Variants in SATL1 observed in about 807,000 individuals in gnomAD.
The protein encoded by SATL1 is spermidine/spermine N1-acetyl transferase like 1.
In SATL1, 47 loss-of-function variants were observed where a neutral mutation model predicts 51.8. The observed-to-expected ratio is 0.91, with a 90% CI of 0.72 to 1.16. The LOEUF is 1.16. SATL1 is among the 50% of genes most tolerant of loss of function. SATL1 has a pLI of 0.00. For missense variants in SATL1, 520 were observed against 526.4 expected (o/e 0.99, Z 0.12); for synonymous variants, 176 against 182.4 (o/e 0.97, Z 0.28).
rs758103206 is a variant in SATL1 at position 85,168,051 on chromosome X, A to G, written c.-313+56154T>C. Reference sequence around the variant, plus strand: ...AAAAAAAACACATGATTGTCTCAATAGATGCAGAAAGGCTTTTGATAAAAT... The same window carrying G: ...AAAAAAAACACATGATTGTCTCAATGGATGCAGAAAGGCTTTTGATAAAAT... On this transcript the variant is annotated intron_variant, in intron 2 of 7. Coordinates refer to ENST00000644105, the MANE Select transcript of SATL1 (RefSeq NM_001367857.2). Among the ~76,000 whole-genome samples the G allele has an allele frequency of 8.1e-4, 90 of 111,297 alleles. 1 individual carries two copies. The highest frequency in any genetic ancestry group is 2.8e-3 in the African/African-American group (87 of 30,691).
chrX:85,108,251 G>A lies in SATL1; in HGVS notation c.718C>T (p.Gln240Ter). The change falls in exon 3 of 8, where the codon CAA becomes TAA. Residue 240 changes from glutamine to a stop codon, truncating the protein, a stop_gained. Transcript: ENST00000644105. LOFTEE classifies it high-confidence loss of function. ...GCGTCTGGTTGGCTCATGTCTGTTT[G>A]GTTCTTACATGATTGGCTAGTGTCT... is the stretch of plus-strand genomic sequence containing the variant. ...QPDTSQSCKN[Q>*]TDMSQPDANQ... is the part of the protein sequence containing the mutation. The A allele has an allele frequency of 8.3e-7, 1 of 1,211,547 alleles. No individual in the cohort carries two copies. Among genetic ancestry groups the A allele is most frequent in the South Asian group, 1.8e-5 (1 of 56,983 alleles).
intron 4 of SATL1, among the ~76,000 whole-genome samples, chrX:85,096,126 T>A (rs1886277642): frequency 9.0e-6 from 1 of 111,405 alleles, no homozygotes; most frequent in African/African-American, 3.3e-5. Context: ...TTAAAACATC[T>A]GTCTTAAAGA....
At chrX:85,183,966 C>T (rs1288738492) in intron 2 of SATL1, among the ~76,000 whole-genome samples, 1 of 111,151 alleles carries the variant, frequency 9.0e-6, no homozygotes, top group African/African-American at 3.3e-5. Context: ...CTCCAGTAAC[C>T]GTCATTCTGC....
intron 2 of SATL1, among the ~76,000 whole-genome samples, chrX:85,127,165 C>A: frequency 9.1e-6 from 1 of 110,107 alleles, no homozygotes; most frequent in Admixed American, 9.8e-5. Context: ...AATACTATTC[C>A]CTACTCAATA....
chrX:85,153,789 G>A (rs575474503), intron 2 of SATL1: 1 of 111,431 alleles, frequency 9.0e-6, no homozygotes, highest in Middle Eastern at 4.7e-3. Flanking sequence ...CAACTCTGGA[G>A]TACTCTGGAT....
At chrX:85,192,325 A>AT (rs1927458006) in intron 2 of SATL1, among the ~76,000 whole-genome samples, 1 of 111,021 alleles carries the variant, frequency 9.0e-6, no homozygotes. Context: ...TGAAAACTCT[A>AT]TTTTTTGGCA....
At chrX:85,150,814 C>T (rs4630025) in intron 2 of SATL1, among the ~76,000 whole-genome samples, 40,267 of 99,764 alleles carry the variant, frequency 0.4, 8,184 homozygotes, top group Non-Finnish European at 0.57. Flanking sequence ...TGGGACGTAT[C>T]TCAAAATAAT....
chrX:85,106,281 G>A (rs2147689373), intron 3 of SATL1, among the ~76,000 whole-genome samples: 1 of 111,314 alleles, frequency 9.0e-6, no homozygotes, highest in South Asian at 3.8e-4. Context: ...TTGTGGAAAT[G>A]GAATAGAATG....
At chrX:85,147,995 A>G (rs150192140) in intron 2 of SATL1, among the ~76,000 whole-genome samples, 2,863 of 112,237 alleles carry the variant, frequency 0.026, 94 homozygotes, top group African/African-American at 0.088. Flanking sequence ...ATGAGTTGAG[A>G]GAAGAAGGCT....
At chrX:85,181,117 G>GTGTGTA (rs201079572) in intron 2 of SATL1, among the ~76,000 whole-genome samples, 2 of 106,141 alleles carry the variant, frequency 1.9e-5, no homozygotes, top group Admixed American at 2.1e-4. Flanking sequence ...GTGTGTGTGT[G>GTGTGTA]TATATACGTG....
At chrX:85,188,370 T>G (rs1927359974) in intron 2 of SATL1, among the ~76,000 whole-genome samples, 1 of 111,447 alleles carries the variant, frequency 9.0e-6, no homozygotes, top group Non-Finnish European at 1.9e-5. Flanking sequence ...GTGTGTGGTG[T>G]GTATGTGTGT....
At chrX:85,214,568 G>C (rs1346054399) in intron 2 of SATL1, among the ~76,000 whole-genome samples, 1 of 111,404 alleles carries the variant, frequency 9.0e-6, no homozygotes, top group Non-Finnish European at 1.9e-5. Flanking sequence ...TATCCCAATA[G>C]TTCCCGAAAA....
At chrX:85,093,334 T>A in intron 6 of SATL1, 109 bp from the exon 7 acceptor site, 13 of 744,375 alleles carry the variant, frequency 1.7e-5, no homozygotes, top group Non-Finnish European at 2.5e-5. Context: ...TTTTGTATAT[T>A]ATTAATAGCT....
chrX:85,131,991 G>A (rs865960894), intron 2 of SATL1, among the ~76,000 whole-genome samples: 68 of 111,454 alleles, frequency 6.1e-4, no homozygotes, highest in Middle Eastern at 4.6e-3. Flanking sequence ...GTCTCTTCTG[G>A]CTTGTAAGGT....
At chrX:85,115,630 A>G (rs1925367412) in intron 2 of SATL1, among the ~76,000 whole-genome samples, 1 of 112,417 alleles carries the variant, frequency 8.9e-6, no homozygotes, top group Non-Finnish European at 1.9e-5. Context: ...ATGGCATGTG[A>G]AGTGTAACTA....
intron 2 of SATL1, among the ~76,000 whole-genome samples, chrX:85,214,777 C>A (rs1412120908): frequency 9.0e-6 from 1 of 111,442 alleles, no homozygotes; most frequent in Non-Finnish European, 1.9e-5. Context: ...GGGGAATAAG[C>A]CCTACACAAT....
intron 2 of SATL1, among the ~76,000 whole-genome samples, chrX:85,126,495 A>G (rs755698316): frequency 1.3e-4 from 14 of 111,396 alleles, no homozygotes; most frequent in Non-Finnish European, 2.5e-4. Flanking sequence ...AATCAAATTG[A>G]AATTAGACAA....
intron 2 of SATL1, among the ~76,000 whole-genome samples, chrX:85,141,370 C>G (rs954224489): frequency 1.4e-4 from 16 of 111,936 alleles, no homozygotes; most frequent in African/African-American, 4.9e-4. Context: ...TAATTTACAG[C>G]TAACCTTAAT....
chrX:85,166,767 C>T (rs1030983440), intron 2 of SATL1, among the ~76,000 whole-genome samples: 6 of 109,913 alleles, frequency 5.5e-5, no homozygotes, highest in Admixed American at 9.8e-5. Context: ...CCAGCAATCC[C>T]GCTGCTGGGT....
Sources: gnomAD v4.1 joint callset for allele counts (sites outside exome capture counted in the v4.1 genomes callset) on GRCh38, gnomAD v4.1.1 for gene constraint, MANE v1.5 for transcripts, NCBI Gene and HGNC (gene_info 2026-07-23, HGNC 2026-07-21) for gene names.